ARHGAP21: variants seen among roughly 807,000 people sequenced by gnomAD.
The protein encoded by ARHGAP21 is Rho GTPase activating protein 21, also known as rho GTPase-activating protein 21.
In ARHGAP21, 38 loss-of-function variants were observed where a neutral mutation model predicts 164.6. That is an observed-to-expected ratio of 0.23 (90% CI 0.18 to 0.30). The LOEUF is 0.30. Among genes scored for constraint, ARHGAP21 ranks in the 10% least tolerant of loss-of-function variants. The probability of loss-of-function intolerance (pLI) is 1.00; values close to 1 mark genes in which losing one functional copy is unlikely to be tolerated. For missense variants in ARHGAP21, 1,822 were observed against 2,370.7 expected, an observed-to-expected ratio of 0.77 and a Z score of 4.81; for synonymous variants, 766 against 857.9, an observed-to-expected ratio of 0.89 and a Z score of 1.87.
At chr10:24,616,689 G>C (rs1362015308) in intron 9 of ARHGAP21, among the ~76,000 whole-genome samples, 1 of 152,110 alleles carries the variant, frequency 6.6e-6, no homozygotes, top group East Asian at 1.9e-4. Context: ...TAGCATTTTT[G>C]TATTACTAGT....
chr10:24,717,876 C>T (rs572267990), intron 2 of ARHGAP21, among the ~76,000 whole-genome samples: 3 of 152,152 alleles, frequency 2.0e-5, no homozygotes, highest in Non-Finnish European at 4.4e-5. Context: ...TACAGGTGTG[C>T]GCCACCACGC....
chr10:24,589,288 C>A lies in ARHGAP21; in HGVS notation c.4165G>T (p.Asp1389Tyr). The A allele has an allele frequency of 6.2e-7, 1 of 1,608,454 alleles. No individual in the cohort carries two copies. The highest frequency in any genetic ancestry group is 8.5e-7 in the Non-Finnish European group (1 of 1,176,252). ...PGDVSDSATS[D>Y]STKSKGSWGS... ...CAATTTACCTTAGATTTTGTTGAGT[C>A]ACTAGTAGCTGAATCTGTGAAAAAT... Residue 1389 changes from aspartate (D) to tyrosine (Y), a missense_variant, in exon 25 of 26, where the codon GAC becomes TAC. This residue lies in a region of ARHGAP21 where 333 missense variants were observed against 383.9 expected (regional missense o/e 0.87). Coordinates refer to ENST00000396432, the MANE Select transcript of ARHGAP21 (RefSeq NM_020824.4).
At chr10:24,587,752 A>G (rs572912419) in intron 25 of ARHGAP21, among the ~76,000 whole-genome samples, 5 of 152,326 alleles carry the variant, frequency 3.3e-5, no homozygotes, top group Admixed American at 3.3e-4. Context: ...GCGAGAAGCA[A>G]TTAGATTATA....
chr10:24,707,078 G>C (rs991838401), intron 2 of ARHGAP21, among the ~76,000 whole-genome samples: 2 of 152,140 alleles, frequency 1.3e-5, no homozygotes, highest in South Asian at 2.1e-4. Context: ...GCCACACAGA[G>C]CTAACAACTC....
chr10:24,588,752 T>G (rs1442049393), intron 25 of ARHGAP21, among the ~76,000 whole-genome samples: 4 of 152,196 alleles, frequency 2.6e-5, no homozygotes, highest in Admixed American at 6.5e-5. Context: ...GTAAAAATAT[T>G]ATTTAAAAAA....
intron 4 of ARHGAP21, among the ~76,000 whole-genome samples, chr10:24,645,586 A>G (rs1454797877): frequency 3.0e-5 from 2 of 65,964 alleles, no homozygotes; most frequent in Non-Finnish European, 5.6e-5. Context: ...TCTGTCTCAG[A>G]AAAAAAAAAA....
chr10:24,684,883 C>A (rs1237309705), intron 2 of ARHGAP21, among the ~76,000 whole-genome samples: 1 of 152,266 alleles, frequency 6.6e-6, no homozygotes, highest in Admixed American at 6.5e-5. Flanking sequence ...AGGTGATCCG[C>A]CCCCCTCAGC....
intron 4 of ARHGAP21, among the ~76,000 whole-genome samples, chr10:24,638,779 A>T (rs956709963): frequency 2.0e-5 from 3 of 152,228 alleles, no homozygotes; most frequent in Middle Eastern, 3.2e-3. Context: ...ATCTTCCTAT[A>T]TTTGTAGAAA....
chr10:24,626,202 G>A (rs1835123178), intron 7 of ARHGAP21, among the ~76,000 whole-genome samples: 2 of 152,152 alleles, frequency 1.3e-5, no homozygotes, highest in African/African-American at 4.8e-5. Flanking sequence ...GCTTAACAAA[G>A]TATCCTGGGT....
At chr10:24,628,770 T>TGC (rs1421751322) in intron 7 of ARHGAP21, among the ~76,000 whole-genome samples, 4 of 107,196 alleles carry the variant, frequency 3.7e-5, no homozygotes, top group African/African-American at 6.6e-5. Context: ...TGTGTGTGTG[T>TGC]GCATATATAT....
chr10:24,626,520 G>A (rs762033492), intron 7 of ARHGAP21, among the ~76,000 whole-genome samples: 15 of 152,044 alleles, frequency 9.9e-5, no homozygotes, highest in Admixed American at 7.9e-4. Context: ...GGGCCCTCAC[G>A]AGACACCAAA....
chr10:24,604,387 CA>C (rs760931123), intron 11 of ARHGAP21, 39 bp from the exon 12 acceptor site: 160 of 1,387,120 alleles, frequency 1.2e-4, no homozygotes, highest in South Asian at 2.6e-4. Context: ...TCAATTAGTG[CA>C]AAAAAAATCT....
chr10:24,627,783 T>C (rs930246938), intron 7 of ARHGAP21, among the ~76,000 whole-genome samples: 1 of 152,224 alleles, frequency 6.6e-6, no homozygotes, highest in Non-Finnish European at 1.5e-5. Flanking sequence ...CCATTAATCA[T>C]ATCATTACAA....
intron 2 of ARHGAP21, among the ~76,000 whole-genome samples, chr10:24,698,512 G>A (rs1278973321): frequency 6.6e-6 from 1 of 152,188 alleles, no homozygotes; most frequent in East Asian, 1.9e-4. Flanking sequence ...AGCCAAGACA[G>A]ATGGGTCGGC....
chr10:24,642,292 G>T (rs903654678), intron 4 of ARHGAP21, among the ~76,000 whole-genome samples: 2 of 151,952 alleles, frequency 1.3e-5, no homozygotes, highest in East Asian at 1.9e-4. Context: ...GAGGCGGGCG[G>T]ATCACGAGGT....
chr10:24,626,498 C>G (rs1835153985), intron 7 of ARHGAP21, among the ~76,000 whole-genome samples: 1 of 152,176 alleles, frequency 6.6e-6, no homozygotes, highest in African/African-American at 2.4e-5. Context: ...AAGGTACTAT[C>G]TATGAGAAAA....
intron 25 of ARHGAP21, among the ~76,000 whole-genome samples, chr10:24,587,326 A>G (rs1271211569): frequency 6.6e-6 from 1 of 152,010 alleles, no homozygotes; most frequent in Non-Finnish European, 1.5e-5. Context: ...CTTCCTAAAT[A>G]TCTGCTGGTT....
At chr10:24,610,194 T>C (rs906660899) in intron 9 of ARHGAP21, among the ~76,000 whole-genome samples, 1 of 152,090 alleles carries the variant, frequency 6.6e-6, no homozygotes, top group Non-Finnish European at 1.5e-5. Flanking sequence ...CTGGCCAACA[T>C]GGCAAAACCC....
chr10:24,622,628 G>A (rs1158318836), intron 8 of ARHGAP21, 105 bp downstream of exon 8: 2 of 1,188,314 alleles, frequency 1.7e-6, no homozygotes, highest in African/African-American at 1.6e-5. Flanking sequence ...ACGATAGAGG[G>A]ATTTCTCTAA....
Sources: gnomAD v4.1 joint callset for allele counts (sites outside exome capture counted in the v4.1 genomes callset) on GRCh38, gnomAD v4.1.1 for gene constraint, gnomAD v4.1.1 regional missense constraint, MANE v1.5 for transcripts, NCBI Gene and HGNC (gene_info 2026-07-23, HGNC 2026-07-21) for gene names.